Variants in CNTNAP3 observed in about 807,000 individuals in gnomAD.
CNTNAP3 encodes contactin associated protein family member 3.
In CNTNAP3, 36 loss-of-function variants were observed where a neutral mutation model predicts 92.1. That is an observed-to-expected ratio of 0.39 (90% CI 0.30 to 0.52). The LOEUF (loss-of-function observed/expected upper bound fraction) is 0.52. CNTNAP3 is among the 20% of genes least tolerant of loss of function. CNTNAP3 has a pLI of 0.76. For missense variants in CNTNAP3, 534 were observed against 1,069.6 expected (o/e 0.50, Z 6.98); for synonymous variants, 232 against 422.3 (o/e 0.55, Z 5.53).
chr9:39,088,823 T>G (rs1826127184), intron 18 of CNTNAP3, among the ~76,000 whole-genome samples, 176 bp from the exon 19 acceptor site: 2 of 151,844 alleles, frequency 1.3e-5, no homozygotes, highest in Non-Finnish European at 2.9e-5. Flanking sequence ...AACTACAACT[T>G]GAAGAAAAAG....
At chr9:39,111,706 T>G (rs1826751825) in intron 14 of CNTNAP3, among the ~76,000 whole-genome samples, 2 of 152,142 alleles carry the variant, frequency 1.3e-5, no homozygotes, top group African/African-American at 4.8e-5. Context: ...TTTAATTATT[T>G]ATGGAGGATG....
chr9:39,106,466 G>GT (rs2117890316), intron 15 of CNTNAP3: 1 of 151,778 alleles, frequency 6.6e-6, no homozygotes, highest in Non-Finnish European at 1.5e-5. Flanking sequence ...TAGTTTTTTT[G>GT]TAAGAGACGG....
chr9:39,256,949 CTT>C lies in CNTNAP3; in HGVS notation c.196+9945_196+9946del, dbSNP rs1460723715. Among the ~76,000 whole-genome samples the C allele has an allele frequency of 7.5e-4, 2 of 2,684 alleles. 1 individual carries two copies. The highest frequency in any genetic ancestry group is 7.8e-4 in the African/African-American group (2 of 2,554). 1.8% of individuals were successfully genotyped at this position (2,684 alleles called of 152,430 possible). ...GAAAAAAAAGAAATGTAACAGAGACCTTACATGGTCCACAATACCAAAATCAT... is the reference window on the plus strand; with the variant it reads ...GAAAAAAAAGAAATGTAACAGAGACCACATGGTCCACAATACCAAAATCAT... On this transcript the variant is annotated intron_variant, in intron 2 of 23. Transcript: ENST00000297668.
intron 11 of CNTNAP3, among the ~76,000 whole-genome samples, chr9:39,142,995 C>T (rs1300892896): frequency 3.3e-5 from 5 of 151,844 alleles, no homozygotes; most frequent in Non-Finnish European, 7.4e-5. Flanking sequence ...TCCTTGAAGA[C>T]CCAGGGATGG....
chr9:39,078,611 G>C, intron 22 of CNTNAP3, 79 bp downstream of exon 22: 1 of 1,548,834 alleles, frequency 6.5e-7, no homozygotes. Context: ...CAGAGACGGA[G>C]AAAAGAAGGC....
rs375111604 is a variant in CNTNAP3 at position 39,105,393 on chromosome 9, C to G, written c.2366-1479G>C. On this transcript the variant is annotated intron_variant, in intron 15 of 23. Coordinates refer to ENST00000297668, the MANE Select transcript of CNTNAP3 (RefSeq NM_033655.5). ...AGTGAGGTGAGATCATGCCACTGCA[C>G]TCCAGCCTGGGTGACAGAGCAACTC... Among the ~76,000 whole-genome samples, 11 of 152,318 alleles carry G rather than the reference C, an allele frequency of 7.2e-5. No individual in the cohort carries two copies. The East Asian group carries it at 1.7e-3, about 24-fold the overall frequency.
At chr9:39,119,108 A>C (rs1210476589) in intron 13 of CNTNAP3, among the ~76,000 whole-genome samples, 3 of 152,156 alleles carry the variant, frequency 2.0e-5, no homozygotes, top group Non-Finnish European at 2.9e-5. Context: ...CAGGGGCCAC[A>C]AGTTGCAGTC....
intron 12 of CNTNAP3, among the ~76,000 whole-genome samples, chr9:39,135,534 T>C (rs1821409310): frequency 6.6e-6 from 1 of 152,220 alleles, no homozygotes; most frequent in South Asian, 2.1e-4. Context: ...CTCAAATAAA[T>C]ATCCGACTTT....
At chr9:39,125,657 A>G (rs1587720734) in intron 13 of CNTNAP3, among the ~76,000 whole-genome samples, 2 of 151,946 alleles carry the variant, frequency 1.3e-5, no homozygotes, top group East Asian at 3.9e-4. Flanking sequence ...GGTAACACTA[A>G]CCAAAAAGAA....
chr9:39,194,859 C>T (rs1822519534), intron 3 of CNTNAP3, among the ~76,000 whole-genome samples: 1 of 534 alleles, frequency 1.9e-3, no homozygotes, highest in Non-Finnish European at 2.8e-3. Flanking sequence ...GTGGTGCGAT[C>T]TAGACTCACT....
chr9:39,090,962 T>C (rs1271451421), intron 18 of CNTNAP3, among the ~76,000 whole-genome samples: 1 of 152,090 alleles, frequency 6.6e-6, no homozygotes, highest in Non-Finnish European at 1.5e-5. Flanking sequence ...AAAATTGTTT[T>C]ACTGGTTTTA....
rs1322868985 is a variant in CNTNAP3 at position 39,102,635 on chromosome 9, C to G, written c.2617G>C (p.Asp873His). The change falls in exon 17 of 24, where the codon GAC becomes CAC. Residue 873 changes from aspartate to histidine, a missense_variant. Physicochemically the swap from Asp to His is moderately conservative, Grantham distance 81 (BLOSUM62 -1). Coordinates refer to ENST00000297668, the MANE Select transcript of CNTNAP3 (RefSeq NM_033655.5). Reference sequence around the variant, plus strand: ...GCCCTCACGTGGTGCCACTGATTGTCATTAAAGGGAGTGGGTGACTGCACC... The same window carrying G: ...GCCCTCACGTGGTGCCACTGATTGTGATTAAAGGGAGTGGGTGACTGCACC... ...VTVQSPTPFN[D>H]NQWHHVRAER... 7.2e-7 allele frequency: 1 copy of G among 1,393,706 alleles called. No homozygotes were observed. Among genetic ancestry groups the G allele is most frequent in the Admixed American group, 2.0e-5 (1 of 49,888 alleles). 86.3% of individuals were successfully genotyped at this position (1,393,706 alleles called of 1,614,324 possible). A position where few individuals can be genotyped will look rare whatever the true frequency, so the allele number is the denominator to read the frequency against.
chr9:39,113,762 T>TGAA (rs1341714483), intron 14 of CNTNAP3, among the ~76,000 whole-genome samples: 1 of 151,856 alleles, frequency 6.6e-6, no homozygotes, highest in African/African-American at 2.4e-5. Context: ...TTTTTATACT[T>TGAA]ATTCAACAAT....
chr9:39,170,207 G>C (rs550918447), intron 8 of CNTNAP3, among the ~76,000 whole-genome samples: 9 of 12,842 alleles, frequency 7.0e-4, no homozygotes, highest in Non-Finnish European at 9.6e-4. Flanking sequence ...CCCAGGACTT[G>C]CCTGATTGTT....
chr9:39,093,120 TAGAC>T (rs1209084928), intron 18 of CNTNAP3, among the ~76,000 whole-genome samples: 3 of 128,812 alleles, frequency 2.3e-5, no homozygotes, highest in African/African-American at 5.7e-5. Context: ...TGTATGTCCT[TAGAC>T]AGCATATAGT....
intron 21 of CNTNAP3, among the ~76,000 whole-genome samples, chr9:39,083,929 G>A (rs986442985): frequency 6.6e-6 from 1 of 151,386 alleles, no homozygotes; most frequent in Non-Finnish European, 1.5e-5. Context: ...CATTCACTAA[G>A]ACTACTCAGA....
At chr9:39,259,067 C>T (rs10814798) in intron 2 of CNTNAP3, among the ~76,000 whole-genome samples, 1 of 22,412 alleles carries the variant, frequency 4.5e-5, no homozygotes, top group African/African-American at 1.1e-4. Context: ...AACTTTTTTT[C>T]TTTTTTTAAT....
chr9:39,147,796 A>G (rs145059880), intron 10 of CNTNAP3, among the ~76,000 whole-genome samples: 5,858 of 152,288 alleles, frequency 0.038, 160 homozygotes, highest in Non-Finnish European at 0.061. Flanking sequence ...TAAAAACAAT[A>G]GTTTTGTACT....
At chr9:39,097,557 G>C (rs2118465058) in intron 18 of CNTNAP3, among the ~76,000 whole-genome samples, 1 of 152,128 alleles carries the variant, frequency 6.6e-6, no homozygotes, top group African/African-American at 2.4e-5. Context: ...GTGTAGGAAG[G>C]AAACCCCAGA....
Sources: allele counts gnomAD v4.1 joint callset (sites outside exome capture counted in the v4.1 genomes callset), GRCh38; gene constraint gnomAD v4.1.1; transcripts MANE v1.5; gene names NCBI Gene and HGNC (gene_info 2026-07-23, HGNC 2026-07-21).